Variants in KIZ observed in about 807,000 individuals in gnomAD.
KIZ encodes the protein centrosomal protein kizuna.
Under a neutral mutation model 79.6 loss-of-function variants are expected in KIZ, and 68 were observed. That is an observed-to-expected ratio of 0.85 (90% confidence interval 0.70 to 1.05). The LOEUF is 1.05. KIZ is among the 50% of genes least tolerant of loss of function. The pLI, the probability that KIZ is intolerant of heterozygous loss-of-function variation, is 0.00. For synonymous variants in KIZ, 280 were observed against 281.8 expected (o/e 0.99, Z 0.06); for missense variants, 797 against 800.4 (o/e 1.00, Z 0.05).
intron 7 of KIZ, among the ~76,000 whole-genome samples, chr20:21,206,058 G>GGTTC (rs1205074370): frequency 6.6e-6 from 1 of 152,126 alleles, no homozygotes; most frequent in African/African-American, 2.4e-5. Flanking sequence ...GTGGTTGGTT[G>GGTTC]GTTTTTAACT....
In KIZ at chr20:21,142,790, C is replaced by T. The variant is rs1023100153; in HGVS notation, c.316-2775C>T. Among the ~76,000 whole-genome samples the T allele has an allele frequency of 1.2e-4, 18 of 147,954 alleles. No individual in the cohort carries two copies. The South Asian group carries it at 2.6e-3, about 21-fold the overall frequency. ...TGGGTGACAGAGCAAGCCCTTGTCT[C>T]AAATAAATAAATAAATAAATAAATA... On this transcript the variant is annotated intron_variant, in intron 3 of 12. Coordinates refer to ENST00000619189, the MANE Select transcript of KIZ (RefSeq NM_018474.6).
chr20:21,137,741 T>G (rs930237778), intron 3 of KIZ, among the ~76,000 whole-genome samples: 3 of 152,090 alleles, frequency 2.0e-5, no homozygotes, highest in African/African-American at 7.2e-5. Context: ...TCCTACATAA[T>G]CATACCATTA....
chr20:21,235,894 G>T lies in KIZ; in HGVS notation c.1880+3064G>T, dbSNP rs1297886525. On this transcript the variant is annotated intron_variant, in intron 11 of 12. Coordinates refer to ENST00000619189, the MANE Select transcript of KIZ (RefSeq NM_018474.6). ...GATGGCGGTGGCATTTTCTGTCTTT[G>T]CCTGGTCACTGTGCCATTTTCCCCA... Among the ~76,000 whole-genome samples the T allele has an allele frequency of 1.3e-5, 2 of 152,210 alleles. 1 individual carries two copies. The highest frequency in any genetic ancestry group is 1.3e-4 in the Admixed American group (2 of 15,276).
At chr20:21,127,431 T>G (rs2031552751) in intron 1 of KIZ, among the ~76,000 whole-genome samples, 1 of 152,230 alleles carries the variant, frequency 6.6e-6, no homozygotes, top group Non-Finnish European at 1.5e-5. Flanking sequence ...TTGTTTCCTG[T>G]GCTAGGAACA....
chr20:21,246,388 C>T, intron 12 of KIZ, 91 bp from the exon 13 acceptor site: 1 of 773,998 alleles, frequency 1.3e-6, no homozygotes. Context: ...GACTGACACT[C>T]TGCTTAACCA....
chr20:21,204,762 G>C (rs2035746374), intron 6 of KIZ, among the ~76,000 whole-genome samples: 1 of 152,156 alleles, frequency 6.6e-6, no homozygotes, highest in Non-Finnish European at 1.5e-5. Flanking sequence ...CACAGCCTGA[G>C]CAGCAATATA....
intron 4 of KIZ, among the ~76,000 whole-genome samples, chr20:21,157,726 C>A (rs4815024): frequency 0.58 from 87,970 of 151,956 alleles, 27,090 homozygotes; most frequent in South Asian, 0.78. Flanking sequence ...GGGGCACTTC[C>A]TTTGGCCCTC....
At chr20:21,133,451 G>T (rs550060085) in intron 2 of KIZ, among the ~76,000 whole-genome samples, 1 of 152,232 alleles carries the variant, frequency 6.6e-6, no homozygotes, top group Non-Finnish European at 1.5e-5. Flanking sequence ...AAGATTGTGT[G>T]TAGACGTTTC....
chr20:21,238,352 A>AGTGT (rs1555889304), intron 11 of KIZ, among the ~76,000 whole-genome samples: 1,700 of 149,098 alleles, frequency 0.011, 32 homozygotes, highest in African/African-American at 0.035. Flanking sequence ...AGAGAGAGAG[A>AGTGT]GTGTGTGTGT....
chr20:21,227,298 A>G (rs2036688398), intron 9 of KIZ, among the ~76,000 whole-genome samples: 1 of 152,138 alleles, frequency 6.6e-6, no homozygotes, highest in South Asian at 2.1e-4. Flanking sequence ...GTCTCACTGG[A>G]GTCAAGTGAT....
chr20:21,244,674 C>G (rs6075781), intron 12 of KIZ: 1 of 179,382 alleles, frequency 5.6e-6, no homozygotes, highest in Non-Finnish European at 1.2e-5. Context: ...AACTGGTTTC[C>G]TCATACCCAG....
At chr20:21,149,696 C>A (rs1394749165) in intron 4 of KIZ, among the ~76,000 whole-genome samples, 2 of 152,202 alleles carry the variant, frequency 1.3e-5, no homozygotes, top group South Asian at 4.1e-4. Flanking sequence ...CAGATGTGTT[C>A]CCAGGATCTG....
chr20:21,238,552 G>GT (rs1388170057), intron 11 of KIZ, among the ~76,000 whole-genome samples: 1 of 152,130 alleles, frequency 6.6e-6, no homozygotes, highest in Non-Finnish European at 1.5e-5. Flanking sequence ...CCTGGCTGCT[G>GT]TCTTGTCTGC....
At chr20:21,177,715 C>A (rs1366415569) in intron 6 of KIZ, among the ~76,000 whole-genome samples, 6 of 152,144 alleles carry the variant, frequency 3.9e-5, no homozygotes, top group Admixed American at 2.0e-4. Flanking sequence ...AACTTCAGGT[C>A]TTATATTTAA....
intron 6 of KIZ, among the ~76,000 whole-genome samples, chr20:21,174,232 G>T (rs145235641): frequency 6.6e-6 from 1 of 152,146 alleles, no homozygotes. Flanking sequence ...TACTGACTCC[G>T]TGCCAGGCAC....
chr20:21,217,651 T>C (rs1421430289), intron 9 of KIZ, among the ~76,000 whole-genome samples: 1 of 152,206 alleles, frequency 6.6e-6, no homozygotes, highest in Non-Finnish European at 1.5e-5. Flanking sequence ...CTACCCTCTC[T>C]GAGCCTCTGT....
intron 9 of KIZ, chr20:21,218,338 A>G (rs913292002): frequency 6.6e-6 from 1 of 152,128 alleles, no homozygotes; most frequent in Non-Finnish European, 1.5e-5. Context: ...CTCACAATGG[A>G]TGATGTTGCA....
chr20:21,162,124 A>C lies in KIZ; in HGVS notation c.659A>C (p.Lys220Thr). Residue 220 changes from lysine to threonine, a missense_variant, in exon 5 of 13, where the codon AAG becomes ACG. Physicochemically the swap from Lys to Thr is moderately conservative, Grantham distance 78. Coordinates refer to ENST00000619189, the MANE Select transcript of KIZ (RefSeq NM_018474.6). ...AGTAATGACACACAGTGCTTAAATA[A>C]GTCTGACAACATAGATGGAAAGGCA... ...QTSNDTQCLN[K>T]SDNIDGKASL... 1 of 1,612,740 alleles carries C rather than the reference A, an allele frequency of 6.2e-7. No homozygotes were observed. The highest frequency in any genetic ancestry group is 8.5e-7 in the Non-Finnish European group (1 of 1,179,024).
chr20:21,203,139 G>A (rs2035664663), intron 6 of KIZ, among the ~76,000 whole-genome samples: 1 of 152,158 alleles, frequency 6.6e-6, no homozygotes, highest in African/African-American at 2.4e-5. Context: ...GTTTGAATCA[G>A]AGTTCAAATA....
Sources: allele counts gnomAD v4.1 joint callset (sites outside exome capture counted in the v4.1 genomes callset), GRCh38; gene constraint gnomAD v4.1.1; transcripts MANE v1.5; gene names NCBI Gene and HGNC (gene_info 2026-07-23, HGNC 2026-07-21).